The following ADCK1 variants were observed in gnomAD, a reference collection of about 807,000 sequenced individuals.
ADCK1 encodes aarF domain-containing protein kinase 1.
In ADCK1, 41 loss-of-function variants were observed where a neutral mutation model predicts 52.3. The ratio of observed to expected loss-of-function variants is 0.78; its 90% confidence interval spans 0.61 to 1.02. ADCK1 has a LOEUF of 1.02. Among genes scored for constraint, ADCK1 ranks in the 50% least tolerant of loss-of-function variants. The pLI, the probability that ADCK1 is intolerant of heterozygous loss-of-function variation, is 0.00. For synonymous variants in ADCK1, 250 were observed against 274.6 expected, an observed-to-expected ratio of 0.91 and a Z score of 0.89; for missense variants, 658 against 679.5, an observed-to-expected ratio of 0.97 and a Z score of 0.35.
chr14:77,859,260 G>C lies in ADCK1; in HGVS notation c.404G>C (p.Arg135Pro). The C allele has an allele frequency of 6.2e-7, 1 of 1,613,682 alleles. No homozygotes were observed. The highest frequency in any genetic ancestry group is 8.5e-7 in the Non-Finnish European group (1 of 1,179,870). ...ATGCAAGAGATCCGCCAGGTCATCC[G>C]AGAAGATCTGGGCAAGGAGGTACCC... ...SSMQEIRQVI[R>P]EDLGKEIHDL... The change falls in exon 4 of 11, where the codon CGA becomes CCA. Residue 135 changes from arginine to proline, a missense_variant. Physicochemically the swap from Arg to Pro is moderately radical, Grantham distance 103. Transcript: ENST00000238561.
chr14:77,830,274 C>T (rs1470043558), intron 3 of ADCK1, among the ~76,000 whole-genome samples: 1 of 151,264 alleles, frequency 6.6e-6, no homozygotes, highest in East Asian at 1.9e-4. Context: ...CCACCTCAGC[C>T]TCCCGAGTAG....
At chr14:77,852,881 G>GTATATA (rs1250184497) in intron 3 of ADCK1, among the ~76,000 whole-genome samples, 3 of 29,604 alleles carry the variant, frequency 1.0e-4, no homozygotes, top group Non-Finnish European at 1.8e-4. Flanking sequence ...TCTTTTATGT[G>GTATATA]TGTATATATA....
At chr14:77,844,489 T>C (rs2082136341) in intron 3 of ADCK1, among the ~76,000 whole-genome samples, 1 of 152,180 alleles carries the variant, frequency 6.6e-6, no homozygotes, top group Admixed American at 6.5e-5. Context: ...CATCCTATCA[T>C]GTCAGTGGCG....
chr14:77,807,061 CAG>C (rs1394791378), intron 1 of ADCK1, among the ~76,000 whole-genome samples: 2 of 82,618 alleles, frequency 2.4e-5, no homozygotes, highest in African/African-American at 5.2e-5. Flanking sequence ...TTTTTGGAGA[CAG>C]AGTCTTTTTT....
chr14:77,807,222 C>T (rs979192751), intron 1 of ADCK1, among the ~76,000 whole-genome samples: 1 of 151,764 alleles, frequency 6.6e-6, no homozygotes. Flanking sequence ...GCGCCCGCCA[C>T]CACGCCCGGT....
intron 3 of ADCK1, among the ~76,000 whole-genome samples, chr14:77,829,914 T>C (rs1437080307): frequency 1.3e-5 from 2 of 150,992 alleles, no homozygotes; most frequent in Non-Finnish European, 3.0e-5. Context: ...CTGAGCGTGA[T>C]GGGTGAAATT....
intron 1 of ADCK1, among the ~76,000 whole-genome samples, chr14:77,805,936 A>G (rs1322851113): frequency 6.8e-6 from 1 of 147,288 alleles, no homozygotes; most frequent in African/African-American, 2.5e-5. Context: ...TATAGAAACT[A>G]TGCTACATTT....
rs1222668188 is a variant in ADCK1, at chr14:77,925,935, A to G, written c.1180A>G (p.Ser394Gly). ...RSWDSVNRGISQAPVTATEDL... is the reference protein window; with the variant it reads ...RSWDSVNRGIGQAPVTATEDL... ...GTGGGACTCGGTCAACAGAGGCATC[A>G]GCCAAGCTCCCGTCACTGCCACTGA... Residue 394 changes from serine (S) to glycine (G), a missense_variant, in exon 9 of 11, where the codon AGC becomes GGC. Transcript: ENST00000238561. The G allele has an allele frequency of 6.2e-7, 1 of 1,614,208 alleles. No individual in the cohort carries two copies. Among genetic ancestry groups the G allele is most frequent in the Non-Finnish European group, 8.5e-7 (1 of 1,180,054 alleles).
chr14:77,925,992 C>G (rs1566741322), intron 9 of ADCK1, 31 bp downstream of exon 9: 9 of 1,612,232 alleles, frequency 5.6e-6, no homozygotes, highest in Non-Finnish European at 7.6e-6. Flanking sequence ...CTGCCTCTTC[C>G]TAAATGCAGA....
chr14:77,906,566 A>G (rs1234471877), intron 6 of ADCK1, among the ~76,000 whole-genome samples: 1 of 152,248 alleles, frequency 6.6e-6, no homozygotes, highest in African/African-American at 2.4e-5. Context: ...TGCCTTAAAC[A>G]AAAGAATTTG....
intron 9 of ADCK1, among the ~76,000 whole-genome samples, chr14:77,929,424 C>T (rs1240240330): frequency 2.0e-5 from 3 of 152,150 alleles, no homozygotes; most frequent in East Asian, 3.8e-4. Context: ...AGGAATAAGG[C>T]GCTATGTCTC....
chr14:77,890,690 C>T (rs980049473), intron 5 of ADCK1, among the ~76,000 whole-genome samples: 1 of 152,164 alleles, frequency 6.6e-6, no homozygotes, highest in Non-Finnish European at 1.5e-5. Context: ...TATTTTGGAT[C>T]TGGCGATTTA....
At chr14:77,838,519 C>G (rs1319826813) in intron 3 of ADCK1, among the ~76,000 whole-genome samples, 5 of 152,148 alleles carry the variant, frequency 3.3e-5, no homozygotes, top group Non-Finnish European at 5.9e-5. Flanking sequence ...ACTTCAGCCT[C>G]CCAGGTACCT....
intron 5 of ADCK1, among the ~76,000 whole-genome samples, chr14:77,898,788 C>A (rs1051950690): frequency 3.3e-5 from 5 of 152,088 alleles, no homozygotes; most frequent in African/African-American, 4.8e-5. Context: ...CACACATATC[C>A]CAGAACTTAA....
At chr14:77,850,808 G>T (rs1029957104) in intron 3 of ADCK1, among the ~76,000 whole-genome samples, 8 of 151,350 alleles carry the variant, frequency 5.3e-5, no homozygotes, top group African/African-American at 1.7e-4. Flanking sequence ...CCGCCACCAC[G>T]CCTGGCTAAT....
chr14:77,895,032 C>T (rs959991014), intron 5 of ADCK1, among the ~76,000 whole-genome samples: 5 of 152,102 alleles, frequency 3.3e-5, no homozygotes, highest in South Asian at 2.1e-4. Flanking sequence ...GGATTACAGG[C>T]GTGAGCTACC....
chr14:77,894,736 G>GTTTTTTTTTTTTTTTGTT (rs2083365737), intron 5 of ADCK1, among the ~76,000 whole-genome samples: 1 of 36,484 alleles, frequency 2.7e-5, no homozygotes, highest in Admixed American at 4.7e-4. Context: ...TTCTTTTCTT[G>GTTTTTTTTTTTTTTTGTT]TTTTTTTTTT....
chr14:77,877,404 G>C (rs112746505), intron 4 of ADCK1, among the ~76,000 whole-genome samples: 4 of 152,202 alleles, frequency 2.6e-5, no homozygotes, highest in African/African-American at 9.6e-5. Context: ...AACAACTGAG[G>C]GTTGTCGGAA....
intron 3 of ADCK1, among the ~76,000 whole-genome samples, chr14:77,850,706 A>C (rs1055508238): frequency 1.4e-5 from 2 of 140,178 alleles, no homozygotes; most frequent in Non-Finnish European, 3.0e-5. Context: ...GCTGGAGTGC[A>C]GTGGCGCAAT....
Sources: allele counts gnomAD v4.1 joint callset (sites outside exome capture counted in the v4.1 genomes callset), GRCh38; gene constraint gnomAD v4.1.1; transcripts MANE v1.5; gene names NCBI Gene and HGNC (gene_info 2026-07-23, HGNC 2026-07-21).